NME2: variants seen among roughly 807,000 people sequenced by gnomAD.
The protein encoded by NME2 is nucleoside diphosphate kinase B.
Under a neutral mutation model 17.8 loss-of-function variants are expected in NME2, and 18 were observed. That is an observed-to-expected ratio of 1.01 (90% CI 0.70 to 1.50). The LOEUF is 1.50. NME2 is among the 40% of genes most tolerant of loss of function. The pLI is 0.00. For synonymous variants in NME2, 74 were observed against 71.4 expected, an observed-to-expected ratio of 1.04 and a Z score of -0.19; for missense variants, 161 against 195.6, an observed-to-expected ratio of 0.82 and a Z score of 1.05.
intron 3 of NME2, 69 bp from the exon 4 acceptor site, chr17:51,169,868 G>C: frequency 7.2e-7 from 1 of 1,392,758 alleles, no homozygotes; most frequent in South Asian, 1.2e-5. Flanking sequence ...TGTCAGGTAG[G>C]AGTAAATGTT....
At chr17:51,168,530 G>T (rs60017501) in intron 3 of NME2, among the ~76,000 whole-genome samples, 187 bp downstream of exon 3, 23,889 of 152,162 alleles carry the variant, frequency 0.16, 2,199 homozygotes, top group African/African-American at 0.24. Flanking sequence ...TGTTAGCTGG[G>T]TGTGGTGGTG....
At chr17:51,167,410 G>T (rs1460196614) in intron 2 of NME2, 2 of 204,062 alleles carry the variant, frequency 9.8e-6, no homozygotes, top group East Asian at 1.8e-4. Flanking sequence ...TTAAATTTGG[G>T]GCACAGATCT....
chr17:51,169,612 T>C (rs1175357032), intron 3 of NME2: 3 of 242,884 alleles, frequency 1.2e-5, no homozygotes, highest in Non-Finnish European at 2.4e-5. Context: ...GGGATGCCCT[T>C]CCCACTGATC....
chr17:51,167,178 C>T, intron 2 of NME2: 3 of 1,057,694 alleles, frequency 2.8e-6, no homozygotes, highest in South Asian at 1.7e-5. Context: ...GTGACTCGCC[C>T]TCCGGGTTTG....
chr17:51,168,240 A>G lies in NME2; in HGVS notation c.127-2A>G, dbSNP rs111437862. The G allele has an allele frequency of 6.2e-7, 1 of 1,613,518 alleles. No homozygotes were observed. Among genetic ancestry groups the G allele is most frequent in the South Asian group, 1.1e-5 (1 of 91,056 alleles). On this transcript the variant is annotated splice_acceptor_variant, in intron 2 of 4. Coordinates refer to ENST00000512737, the MANE Select transcript of NME2 (RefSeq NM_002512.4). LOFTEE classifies it high-confidence loss of function. ...TAACTGGTGCCTCCTCTCCAATGCC[A>G]GGCCTCTGAAGAACACCTGAAGCAG...
intron 2 of NME2, 71 bp from the exon 3 acceptor site, chr17:51,168,171 T>C: frequency 6.7e-7 from 1 of 1,487,582 alleles, no homozygotes; most frequent in Non-Finnish European, 9.3e-7. Context: ...GACTTGCTAA[T>C]GGGAGGTTCA....
Position 51,169,170 on chromosome 17 carries a change from A to G in NME2, c.229-767A>G, listed in dbSNP as rs991957227. On this transcript the variant is annotated intron_variant, in intron 3 of 4. Transcript: ENST00000512737. ...AATATGAGGAGAGAGTGGCTGGGCG[A>G]GGTGGCTCACACCTGTAATCCCAGC... is the stretch of plus-strand genomic sequence containing the variant. Among the ~76,000 whole-genome samples, 3 of 150,914 alleles carry G rather than the reference A, an allele frequency of 2.0e-5. No individual in the cohort carries two copies. The South Asian group carries it at 6.3e-4, about 32-fold the overall frequency.
chr17:51,166,317 G>C (rs547812210), upstream of NME2: 4 of 152,404 alleles, frequency 2.6e-5, no homozygotes, highest in East Asian at 1.9e-4. Flanking sequence ...ACTGTTCTCC[G>C]GCCGCGTCGG....
intron 2 of NME2, chr17:51,167,335 C>A (rs377016141): frequency 1.4e-5 from 4 of 286,674 alleles, no homozygotes; most frequent in Non-Finnish European, 2.7e-5. Flanking sequence ...TTGCTTTAGT[C>A]TGAAACTCCG....
chr17:51,168,326 G>A lies in NME2; in HGVS notation c.211G>A (p.Gly71Arg). The A allele has an allele frequency of 6.2e-7, 1 of 1,613,990 alleles. No homozygotes were observed. Among genetic ancestry groups the A allele is most frequent in the Non-Finnish European group, 8.5e-7 (1 of 1,179,892 alleles). ...TGGGCTGGTGAAGTACATGAACTCA[G>A]GGCCGGTTGTGGCCATGGTGAGTGC... is the stretch of plus-strand genomic sequence containing the variant. ...FPGLVKYMNS[G>R]PVVAMVWEGL... The change falls in exon 3 of 5, where the codon GGG (glycine) becomes AGG (arginine). Residue 71 changes from glycine to arginine, a missense_variant. Physicochemically the swap from Gly to Arg is moderately radical, Grantham distance 125 (BLOSUM62 -2). Transcript: ENST00000512737.
intron 2 of NME2, 103 bp downstream of exon 2, chr17:51,167,059 G>A (rs1244143652): frequency 1.2e-5 from 19 of 1,599,420 alleles, no homozygotes; most frequent in African/African-American, 1.1e-4. Flanking sequence ...TCATTTCGCT[G>A]CCGCGAAATC....
chr17:51,166,317 G>A (rs547812210), upstream of NME2: 3 of 152,404 alleles, frequency 2.0e-5, no homozygotes, highest in East Asian at 5.8e-4. Context: ...ACTGTTCTCC[G>A]GCCGCGTCGG....
chr17:51,165,905 G>C (rs1357018624), upstream of NME2: 1 of 152,390 alleles, frequency 6.6e-6, no homozygotes, highest in East Asian at 1.9e-4. Context: ...GCGCGGAGAG[G>C]TGAGATCGAG....
At chr17:51,169,140 G>T (rs2050012636) in intron 3 of NME2, among the ~76,000 whole-genome samples, 1 of 151,880 alleles carries the variant, frequency 6.6e-6, no homozygotes, top group African/African-American at 2.4e-5. Flanking sequence ...TTTGGGAGTG[G>T]AGAGAATATG....
rs1465853356 is a variant in NME2 at position 51,171,592 on chromosome 17, G to C, written c.447G>C (p.Trp149Cys). The stretch of plus-strand genomic sequence containing the variant: ...ACTACAAGTCTTGTGCTCATGACTG[G>C]GTCTATGAATAAGAGGTGGACACAA... ...LVDYKSCAHDWVYE is the reference protein window; with the variant it reads ...LVDYKSCAHDCVYE Residue 149 changes from tryptophan to cysteine, a missense_variant, in exon 5 of 5, where the codon TGG becomes TGC. Trp to Cys is a radical substitution (Grantham distance 215, BLOSUM62 -2). Coordinates refer to ENST00000512737, the MANE Select transcript of NME2 (RefSeq NM_002512.4). 2 of 1,613,372 alleles carry C rather than the reference G, an allele frequency of 1.2e-6. No homozygotes were observed. The highest frequency in any genetic ancestry group is 2.2e-5 in the East Asian group (1 of 44,870).
intron 1 of NME2, 109 bp from the exon 2 acceptor site, chr17:51,166,717 TC>T: frequency 8.3e-7 from 1 of 1,203,462 alleles, no homozygotes; most frequent in Non-Finnish European, 1.1e-6. Flanking sequence ...AAGCCACGTG[TC>T]CCCGCGGCCG....
rs1021464099 is a variant in NME2, at chr17:51,166,685, G to A, written c.-4-142G>A. The stretch of plus-strand genomic sequence containing the variant: ...GGCTCCGCAGAGGGACGCCGGCCCT[G>A]CGCGGGGCGGAAGCGGCCGGGAAGC... On this transcript the variant is annotated intron_variant, in intron 1 of 4. Coordinates refer to ENST00000512737, the MANE Select transcript of NME2 (RefSeq NM_002512.4). 8.2e-6 allele frequency: 7 copies of A among 852,766 alleles called. No individual in the cohort carries two copies. The African/African-American group carries it at 1.3e-4, about 15-fold the overall frequency. The allele number at this position is 852,766 out of a possible 1,614,324, so 52.8% of individuals were successfully genotyped here.
chr17:51,167,335 C>G (rs377016141), intron 2 of NME2: 4 of 286,674 alleles, frequency 1.4e-5, no homozygotes, highest in Non-Finnish European at 2.7e-5. Flanking sequence ...TTGCTTTAGT[C>G]TGAAACTCCG....
rs76659550 is a variant in NME2 at position 51,169,559 on chromosome 17, C to T, written c.229-378C>T. ...TTCTGCTGTTCCCTGGAATCCTTACCCTAGCATGTTAGTCTTTCTTTTCCC... is the reference window on the plus strand; with the variant it reads ...TTCTGCTGTTCCCTGGAATCCTTACTCTAGCATGTTAGTCTTTCTTTTCCC... On this transcript the variant is annotated intron_variant, in intron 3 of 4. Transcript: ENST00000512737. 2.2e-3 allele frequency: 392 copies of T among 174,622 alleles called. 1 individual carries two copies. Among genetic ancestry groups the T allele is most frequent in the African/African-American group, 9.1e-3 (381 of 41,810 alleles). The allele number at this position is 174,622 out of a possible 1,614,324, so 10.8% of individuals were successfully genotyped here.
Sources: gnomAD v4.1 joint callset for allele counts (sites outside exome capture counted in the v4.1 genomes callset) on GRCh38, gnomAD v4.1.1 for gene constraint, MANE v1.5 for transcripts, NCBI Gene and HGNC (gene_info 2026-07-23, HGNC 2026-07-21) for gene names.